The following PDE1C variants were observed in gnomAD, a reference collection of about 807,000 sequenced individuals.
PDE1C encodes the protein phosphodiesterase 1C, also known as dual specificity calcium/calmodulin-dependent 3',5'-cyclic nucleotide phosphodiesterase 1C.
PDE1C carries 62 observed loss-of-function variants against 93.1 expected under a neutral mutation model. The ratio of observed to expected loss-of-function variants is 0.67; its 90% CI spans 0.54 to 0.82. The LOEUF is 0.82. Ranked by LOEUF, PDE1C falls within the 40% of genes least tolerant of loss-of-function variation. The pLI, the probability that PDE1C is intolerant of heterozygous loss-of-function variation, is 0.00. For synonymous variants in PDE1C, 325 were observed against 310.1 expected, an observed-to-expected ratio of 1.05 and a Z score of -0.50; for missense variants, 742 against 884.6, an observed-to-expected ratio of 0.84 and a Z score of 2.04.
At chr7:32,363,034 T>C (rs553473249) in intron 1 of PDE1C, among the ~76,000 whole-genome samples, 10 of 152,300 alleles carry the variant, frequency 6.6e-5, no homozygotes, top group African/African-American at 2.4e-4. Flanking sequence ...ATAGCTAGTA[T>C]CAATAGAGCA....
At chr7:31,816,336 T>C (rs1238927195) in intron 14 of PDE1C, among the ~76,000 whole-genome samples, 182 bp from the exon 15 acceptor site, 5 of 151,986 alleles carry the variant, frequency 3.3e-5, no homozygotes, top group African/African-American at 7.3e-5. Context: ...AGGTTCATAA[T>C]GATGTCATTC....
chr7:32,284,003 C>T (rs1038459382), intron 1 of PDE1C, among the ~76,000 whole-genome samples: 1 of 152,232 alleles, frequency 6.6e-6, no homozygotes, highest in Non-Finnish European at 1.5e-5. Context: ...AGAAGCATCC[C>T]GAGGACATTT....
intron 2 of PDE1C, among the ~76,000 whole-genome samples, chr7:31,952,241 T>C (rs2129015945): frequency 6.6e-6 from 1 of 152,236 alleles, no homozygotes; most frequent in East Asian, 1.9e-4. Flanking sequence ...TGTACCTATA[T>C]TAGAGAACTA....
chr7:32,341,127 T>C (rs1207871966), intron 1 of PDE1C, among the ~76,000 whole-genome samples: 2 of 151,450 alleles, frequency 1.3e-5, no homozygotes, highest in African/African-American at 2.4e-5. Context: ...CTCTGTACTT[T>C]CTACTCAATT....
At chr7:31,738,560 T>C in the PDE1C span, among the ~76,000 whole-genome samples, 1 of 152,122 alleles carries the variant, frequency 6.6e-6, no homozygotes, top group African/African-American at 2.4e-5. Flanking sequence ...GTGAAGACAC[T>C]GCCAAGCCAT....
intron 1 of PDE1C, among the ~76,000 whole-genome samples, chr7:32,241,222 T>G (rs1456280022): frequency 6.6e-6 from 1 of 152,190 alleles, no homozygotes; most frequent in African/African-American, 2.4e-5. Context: ...CAGCTGGTAT[T>G]TAAGCCATGG....
chr7:32,205,931 A>C (rs1002838195), intron 2 of PDE1C, among the ~76,000 whole-genome samples: 2 of 152,144 alleles, frequency 1.3e-5, no homozygotes, highest in Non-Finnish European at 2.9e-5. Flanking sequence ...TGGACACACC[A>C]TCTGTAAGAA....
chr7:31,867,138 G>C (rs1795401156), intron 6 of PDE1C, among the ~76,000 whole-genome samples: 1 of 152,006 alleles, frequency 6.6e-6, no homozygotes. Flanking sequence ...GTTGCCTCCA[G>C]GGATGAAGTA....
intron 1 of PDE1C, among the ~76,000 whole-genome samples, chr7:32,282,580 C>T: frequency 2.3e-5 from 1 of 43,908 alleles, no homozygotes; most frequent in Non-Finnish European, 4.2e-5. Context: ...AGTTTTATGT[C>T]TTCTTTTTTT....
chr7:32,309,584 G>A (rs1813115505), intron 1 of PDE1C, among the ~76,000 whole-genome samples: 1 of 152,186 alleles, frequency 6.6e-6, no homozygotes, highest in South Asian at 2.1e-4. Context: ...AAGGGAGTGG[G>A]GGCCAATATT....
chr7:32,116,566 G>A (rs1327121686), intron 3 of PDE1C, among the ~76,000 whole-genome samples: 1 of 152,154 alleles, frequency 6.6e-6, no homozygotes, highest in Non-Finnish European at 1.5e-5. Flanking sequence ...CAGCAAAAGA[G>A]AAGGTGCCAG....
the PDE1C span, among the ~76,000 whole-genome samples, chr7:31,709,082 C>T: frequency 5.3e-5 from 8 of 152,224 alleles, no homozygotes; most frequent in African/African-American, 1.9e-4. Context: ...GATCTTTACT[C>T]AGAAAACACA....
chr7:31,666,292 G>A, the PDE1C span, among the ~76,000 whole-genome samples: 5 of 152,040 alleles, frequency 3.3e-5, no homozygotes, highest in South Asian at 2.1e-4. Context: ...GAAATTAACC[G>A]GTCTTTTGTA....
rs116294326 is a variant in PDE1C at position 32,099,291 on chromosome 7, T to C, written c.308+70494A>G. ...TTTGCTTTCAATAATAGAAAGTACCTACAGGAGTAAATGTTATCTTTGCCA... is the reference window on the plus strand; with the variant it reads ...TTTGCTTTCAATAATAGAAAGTACCCACAGGAGTAAATGTTATCTTTGCCA... On this transcript the variant is annotated intron_variant, in intron 3 of 18. Coordinates refer to the PDE1C transcript ENST00000396193. 8.2e-4 allele frequency among the ~76,000 whole-genome samples: 125 copies of C among 152,342 alleles called. 1 individual carries two copies. Among genetic ancestry groups the C allele is most frequent in the African/African-American group, 2.6e-3 (107 of 41,574 alleles).
intron 5 of PDE1C, among the ~76,000 whole-genome samples, chr7:31,875,731 C>T (rs1214016622): frequency 3.5e-5 from 5 of 141,256 alleles, no homozygotes; most frequent in African/African-American, 2.7e-5. Context: ...CACACAGCTA[C>T]ATTTCCATTA....
chr7:31,678,870 G>A, the PDE1C span, among the ~76,000 whole-genome samples: 10,420 of 152,224 alleles, frequency 0.068, 494 homozygotes, highest in Middle Eastern at 0.12. Flanking sequence ...GGTCGAAGAG[G>A]TAAGATGGGA....
At chr7:31,738,411 T>C in the PDE1C span, among the ~76,000 whole-genome samples, 3,360 of 152,208 alleles carry the variant, frequency 0.022, 138 homozygotes, top group African/African-American at 0.076. Context: ...GAACTACCAT[T>C]TATAAAACCA....
intron 2 of PDE1C, among the ~76,000 whole-genome samples, chr7:32,185,626 A>C (rs547164730): frequency 6.6e-6 from 1 of 152,224 alleles, no homozygotes; most frequent in African/African-American, 2.4e-5. Context: ...TGTTTGCATA[A>C]ATTTATTTGC....
At chr7:31,816,492 T>C (rs888450144) in intron 14 of PDE1C, among the ~76,000 whole-genome samples, 1 of 152,156 alleles carries the variant, frequency 6.6e-6, no homozygotes, top group Non-Finnish European at 1.5e-5. Flanking sequence ...TGAGTGTTTT[T>C]TGGGGATTAT....
Sources: allele counts gnomAD v4.1 joint callset (sites outside exome capture counted in the v4.1 genomes callset), GRCh38; gene constraint gnomAD v4.1.1; transcripts MANE v1.5; gene names NCBI Gene and HGNC (gene_info 2026-07-23, HGNC 2026-07-21).